Variants in MYH2 observed in about 807,000 individuals in gnomAD.
The protein encoded by MYH2 is myosin-2.
MYH2 carries 139 observed loss-of-function variants against 228.1 expected under a neutral mutation model. That is an observed-to-expected ratio of 0.61 (90% CI 0.53 to 0.70). MYH2 has a LOEUF of 0.70. Ranked by LOEUF, MYH2 falls within the 30% of genes least tolerant of loss-of-function variation. The pLI is 0.00. For missense variants in MYH2, 1,809 were observed against 2,357.5 expected (o/e 0.77, Z 4.82); for synonymous variants, 796 against 871.1 (o/e 0.91, Z 1.52).
chr17:10,539,343 T>G lies in MYH2; in HGVS notation c.1278A>C (p.Ala426=). The change falls in exon 14 of 40, where the codon GCA becomes GCC. Residue 426 remains alanine, a synonymous_variant. Transcript: ENST00000245503. ...KGQTVEQVSN[A]VGALAKAVYE... ...AGACGGCTTTGGCCAGAGCACCTAC[T>G]GCGTTGGACACCTTAAAAGACAAAA... 2 of 1,614,200 alleles carry G rather than the reference T, an allele frequency of 1.2e-6. No homozygotes were observed. The highest frequency in any genetic ancestry group is 4.5e-5 in the East Asian group (2 of 44,884).
intron 16 of MYH2, 120 bp from the exon 17 acceptor site, chr17:10,536,726 T>A: frequency 2.3e-6 from 2 of 851,566 alleles, no homozygotes; most frequent in South Asian, 2.9e-5. Flanking sequence ...CCTCTCTGAT[T>A]GAGCCTGAAT....
At chr17:10,522,984 G>T (rs574890405) in intron 39 of MYH2, 106 bp downstream of exon 39, 4 of 759,904 alleles carry the variant, frequency 5.3e-6, no homozygotes, top group Non-Finnish European at 9.2e-6. Flanking sequence ...AAAAACAAAT[G>T]TTAAATATGC....
chr17:10,536,823 G>A (rs375238905), intron 16 of MYH2, among the ~76,000 whole-genome samples: 11 of 152,284 alleles, frequency 7.2e-5, no homozygotes, highest in Admixed American at 3.9e-4. Context: ...TCACCTGACC[G>A]TATAGAGAGG....
rs777007197 is a variant in MYH2, at chr17:10,545,507, G to A, written c.349-5C>T. The A allele has an allele frequency of 1.2e-6, 2 of 1,613,954 alleles. No individual in the cohort carries two copies. Among genetic ancestry groups the A allele is most frequent in the Non-Finnish European group, 8.5e-7 (1 of 1,179,826 alleles). ...ACAGAAGAGACCTGAATAGGTCTAT[G>A]AGAAGGAAAAAGAATAAGTACCCAA... On this transcript the variant is annotated splice_polypyrimidine_tract_variant and splice_region_variant and intron_variant, in intron 4 of 39. Transcript: ENST00000245503.
rs764189342 is a variant in MYH2, at chr17:10,526,778, C to A, written c.4008G>T (p.Ala1336=). The change falls in exon 30 of 40, where the codon GCG becomes GCT. Residue 1336 remains alanine (A), a synonymous_variant. Transcript: ENST00000245503. Reference sequence around the variant, plus strand: ...CGTGGCGGGAAGACTGCAGGGCATGCGCCAGGGCGTTCTTGGCCTATGGAG... The same window carrying A: ...CGTGGCGGGAAGACTGCAGGGCATGAGCCAGGGCGTTCTTGGCCTATGGAG... The part of the protein sequence containing the change: ...EEEIKAKNAL[A]HALQSSRHDC... 2 of 1,614,238 alleles carry A rather than the reference C, an allele frequency of 1.2e-6. No individual in the cohort carries two copies. The highest frequency in any genetic ancestry group is 1.6e-4 in the Middle Eastern group (1 of 6,062).
rs1356350664 is a variant in MYH2 at position 10,529,451 on chromosome 17, G to A, written c.3148C>T (p.Leu1050Phe). 6.2e-7 allele frequency: 1 copy of A among 1,614,186 alleles called. No individual in the cohort carries two copies. Among genetic ancestry groups the A allele is most frequent in the Non-Finnish European group, 8.5e-7 (1 of 1,180,036 alleles). ...TTAGCCCTTTCTAGGTCCATGCGAA[G>A]TTTCTTTTCTTGCTCCAAGGACCCT... ...LEGSLEQEKKLRMDLERAKRK... is the reference protein window; with the variant it reads ...LEGSLEQEKKFRMDLERAKRK... Residue 1050 changes from leucine (L) to phenylalanine (F), a missense_variant, in exon 25 of 40, where the codon CTT becomes TTT. By Grantham distance (22) the Leu-to-Phe change is conservative. This residue lies in a region of MYH2 where 636 missense variants were observed against 729.9 expected (regional missense o/e 0.87). Transcript: ENST00000245503.
chr17:10,524,580 C>T lies in MYH2; in HGVS notation c.5061G>A (p.Leu1687=). 6.2e-7 allele frequency: 1 copy of T among 1,614,242 alleles called. No homozygotes were observed. The highest frequency in any genetic ancestry group is 1.3e-5 in the African/African-American group (1 of 75,068). Residue 1687 remains leucine (L), a synonymous_variant, in exon 35 of 40, where the codon CTG becomes CTA. Transcript: ENST00000245503. The surrounding 1 kb of genome is among the most constrained non-coding windows in gnomAD (Gnocchi z 4.7). ...CCCGCAGCTCCTCGATCTCAGCCTG[C>T]AGCAGGTTGGCTCTGCGCTCCACCA... ...LAMVERRANL[L]QAEIEELRAT...
At chr17:10,542,118 C>T (rs2073563855) in intron 10 of MYH2, among the ~76,000 whole-genome samples, 1 of 152,074 alleles carries the variant, frequency 6.6e-6, no homozygotes, top group Non-Finnish European at 1.5e-5. Context: ...TACTAAAACA[C>T]AAATATTAGC....
intron 36 of MYH2, 30 bp from the exon 37 acceptor site, chr17:10,523,696 G>T (rs905631362): frequency 3.7e-6 from 6 of 1,614,070 alleles, no homozygotes; most frequent in Non-Finnish European, 5.1e-6. Context: ...AGAAAACCAA[G>T]AAAGTTATAG....
Position 10,539,198 on chromosome 17 carries a change from A to C in MYH2, c.1416+7T>G. 1 of 1,614,114 alleles carries C rather than the reference A, an allele frequency of 6.2e-7. No individual in the cohort carries two copies. Among genetic ancestry groups the C allele is most frequent in the Non-Finnish European group, 8.5e-7 (1 of 1,180,010 alleles). ...AAAATCCTCTCACCAATCAGCTACA[A>C]ACTCACATCAAAAATCTCAAAACCA... is the stretch of plus-strand genomic sequence containing the variant. On this transcript the variant is annotated splice_region_variant and intron_variant, in intron 14 of 39. Coordinates refer to ENST00000245503, the MANE Select transcript of MYH2 (RefSeq NM_017534.6).
chr17:10,531,784 G>A lies in MYH2; in HGVS notation c.2546C>T (p.Ala849Val), dbSNP rs374630865. ...FFKIKPLLKSAETEKEMATMK... is the reference protein window; with the variant it reads ...FFKIKPLLKSVETEKEMATMK... ...GGTGGCCATCTCCTTCTCAGTTTCTGCACTCTTCAACAGAGGCTTGATCTT... is the reference window on the plus strand; with the variant it reads ...GGTGGCCATCTCCTTCTCAGTTTCTACACTCTTCAACAGAGGCTTGATCTT... Residue 849 changes from alanine (A) to valine (V), a missense_variant, in exon 22 of 40, where the codon GCA (alanine) becomes GTA (valine). By Grantham distance (64) the Ala-to-Val change is moderately conservative. Around this residue, in one of 9 missense-constraint regions of MYH2, gnomAD observed 276 missense variants for 344.2 expected, o/e 0.80. Coordinates refer to ENST00000245503, the MANE Select transcript of MYH2 (RefSeq NM_017534.6). The A allele has an allele frequency of 3.5e-5, 57 of 1,613,972 alleles. No individual in the cohort carries two copies. The highest frequency in any genetic ancestry group is 1.7e-4 in the Admixed American group (10 of 59,990).
In MYH2 at chr17:10,537,203, T is replaced by A; in HGVS notation, c.1897+30A>T. 1 of 1,612,296 alleles carries A rather than the reference T, an allele frequency of 6.2e-7. No homozygotes were observed. The highest frequency in any genetic ancestry group is 8.5e-7 in the Non-Finnish European group (1 of 1,178,348). On this transcript the variant is annotated intron_variant, in intron 16 of 39. Coordinates refer to ENST00000245503, the MANE Select transcript of MYH2 (RefSeq NM_017534.6). The surrounding 1 kb of genome is among the most constrained non-coding windows in gnomAD (Gnocchi z 4.0). ...ATTTAACATCACATTTTGTAATACC[T>A]AGAGAGTATTATTAACATTTGAGCA...
chr17:10,547,444 A>ATT, intron 4 of MYH2, 31 bp downstream of exon 4: 5 of 1,613,660 alleles, frequency 3.1e-6, no homozygotes, highest in Non-Finnish European at 4.2e-6. Flanking sequence ...CATGAGGATG[A>ATT]TTATACAGAG....
chr17:10,547,334 A>G, intron 4 of MYH2, 141 bp downstream of exon 4: 1 of 1,140,204 alleles, frequency 8.8e-7, no homozygotes, highest in Non-Finnish European at 1.3e-6. Context: ...TTACGATAGC[A>G]ATCATGAAGC....
chr17:10,527,701 A>G, intron 28 of MYH2, 47 bp downstream of exon 28: 1 of 1,613,056 alleles, frequency 6.2e-7, no homozygotes, highest in South Asian at 1.1e-5. Flanking sequence ...GTTGTTCTTA[A>G]TCACATCCTC....
Position 10,537,421 on chromosome 17 carries a change from T to C in MYH2, c.1709A>G (p.Lys570Arg). ...LGKSANFQKPKVVKGKAEAHF... is the reference protein window; with the variant it reads ...LGKSANFQKPRVVKGKAEAHF... ...GGCCTCGGCCTTGCCTTTGACCACC[T>C]TGGGCTTCTGGAAGTTGGCAGACTT... The change falls in exon 16 of 40, where the codon AAG becomes AGG. Residue 570 changes from lysine (K) to arginine (R), a missense_variant. Around this residue, in one of 9 missense-constraint regions of MYH2, gnomAD observed 41 missense variants for 35.1 expected, o/e 1.17. Coordinates refer to ENST00000245503, the MANE Select transcript of MYH2 (RefSeq NM_017534.6). This position sits in a 1 kb window ranked among gnomAD's most constrained non-coding sequence, Gnocchi z 4.0. 1 of 1,614,200 alleles carries C rather than the reference T, an allele frequency of 6.2e-7. No individual in the cohort carries two copies. The highest frequency in any genetic ancestry group is 1.1e-5 in the South Asian group (1 of 91,086).
intron 21 of MYH2, 148 bp downstream of exon 21, chr17:10,533,137 G>A: frequency 8.2e-7 from 1 of 1,225,028 alleles, no homozygotes; most frequent in Non-Finnish European, 1.2e-6. Context: ...CCTTCCTTAA[G>A]TTTTCTGGTA....
chr17:10,543,818 G>C lies in MYH2; in HGVS notation c.649-15C>G. On this transcript the variant is annotated splice_polypyrimidine_tract_variant and intron_variant, in intron 7 of 39. Transcript: ENST00000245503. ...TCCAGAGTCCCCTGCAAAGGCAAGA[G>C]CAGTCCTTGCATCTGGGGCTTGGGA... The C allele has an allele frequency of 6.2e-7, 1 of 1,613,790 alleles. No homozygotes were observed. The highest frequency in any genetic ancestry group is 8.5e-7 in the Non-Finnish European group (1 of 1,179,648).
At chr17:10,538,330 A>G (rs193150402) in intron 14 of MYH2, among the ~76,000 whole-genome samples, 195 of 152,208 alleles carry the variant, frequency 1.3e-3, no homozygotes, top group African/African-American at 4.4e-3. Flanking sequence ...AAAAAGATCA[A>G]GATACCAAGT....
Sources: allele counts gnomAD v4.1 joint callset (sites outside exome capture counted in the v4.1 genomes callset), GRCh38; gene constraint gnomAD v4.1.1; regional missense constraint gnomAD v4.1.1; non-coding constraint Gnocchi (gnomAD v3.1); transcripts MANE v1.5; gene names NCBI Gene and HGNC (gene_info 2026-07-23, HGNC 2026-07-21).